SYN3: variants seen among roughly 807,000 people sequenced by gnomAD.
The protein encoded by SYN3 is synapsin III, also known as synapsin-3.
Under a neutral mutation model 65.8 loss-of-function variants are expected in SYN3, and 35 were observed. The ratio of observed to expected loss-of-function variants is 0.53; its 90% CI spans 0.41 to 0.70. SYN3 has a LOEUF of 0.70. SYN3 is among the 30% of genes least tolerant of loss of function. SYN3 has a pLI of 0.00. For missense variants in SYN3, 680 were observed against 749.0 expected (o/e 0.91, Z 1.08); for synonymous variants, 270 against 292.9 (o/e 0.92, Z 0.80).
At chr22:32,715,782 A>G (rs1377314937) in intron 6 of SYN3, among the ~76,000 whole-genome samples, 1 of 149,602 alleles carries the variant, frequency 6.7e-6, no homozygotes, top group Non-Finnish European at 1.5e-5. Context: ...CTGTCTCAAA[A>G]AAAAAAAAAA....
chr22:32,845,275 C>A (rs979806462), intron 6 of SYN3, among the ~76,000 whole-genome samples: 2 of 152,018 alleles, frequency 1.3e-5, no homozygotes, highest in Non-Finnish European at 1.5e-5. Context: ...CGGCTCACTG[C>A]AACCTCCACC....
chr22:32,634,532 A>G (rs2059788662), intron 6 of SYN3, among the ~76,000 whole-genome samples: 1 of 152,174 alleles, frequency 6.6e-6, no homozygotes, highest in African/African-American at 2.4e-5. Flanking sequence ...TGACCAGGGC[A>G]CTCTAACTCA....
At chr22:32,649,625 C>G (rs1193534167) in intron 6 of SYN3, among the ~76,000 whole-genome samples, 1 of 152,154 alleles carries the variant, frequency 6.6e-6, no homozygotes, top group Non-Finnish European at 1.5e-5. Context: ...CACAACAAAA[C>G]TAGCTTCGCG....
chr22:33,032,530 A>T (rs2053773860), intron 1 of SYN3, among the ~76,000 whole-genome samples: 1 of 152,090 alleles, frequency 6.6e-6, no homozygotes, highest in Admixed American at 6.6e-5. Context: ...TAAAAAGATC[A>T]TTAGACTAAC....
intron 6 of SYN3, among the ~76,000 whole-genome samples, chr22:32,670,795 G>A (rs1046073434): frequency 1.1e-4 from 16 of 152,346 alleles, no homozygotes; most frequent in African/African-American, 3.8e-4. Flanking sequence ...TATATAACGA[G>A]CATGTGCTAC....
chr22:32,679,839 C>CTTTTTTTTTGTTTTTTT (rs2060497797), intron 6 of SYN3, among the ~76,000 whole-genome samples: 1 of 39,150 alleles, frequency 2.6e-5, no homozygotes, highest in African/African-American at 9.1e-5. Flanking sequence ...TGTTTTTTGG[C>CTTTTTTTTTGTTTTTTT]TTTTTTTTTT....
intron 6 of SYN3, among the ~76,000 whole-genome samples, chr22:32,655,489 T>G (rs1478447415): frequency 6.6e-6 from 1 of 152,178 alleles, no homozygotes; most frequent in Non-Finnish European, 1.5e-5. Flanking sequence ...GGTGAGCCAG[T>G]GAAGCTTCAT....
intron 4 of SYN3, among the ~76,000 whole-genome samples, chr22:32,876,484 C>T (rs1004146197): frequency 2.6e-5 from 4 of 151,682 alleles, no homozygotes; most frequent in East Asian, 3.9e-4. Context: ...TTGATAAACG[C>T]GTGGAGATTT....
chr22:32,952,692 C>A (rs1360017125), intron 3 of SYN3, among the ~76,000 whole-genome samples: 2 of 152,138 alleles, frequency 1.3e-5, no homozygotes, highest in East Asian at 3.9e-4. Context: ...GAGTTCAAGG[C>A]TGCAGTGAGC....
intron 3 of SYN3, among the ~76,000 whole-genome samples, chr22:32,943,057 C>T (rs1037553948): frequency 6.6e-6 from 1 of 152,198 alleles, no homozygotes; most frequent in African/African-American, 2.4e-5. Context: ...CCAAACCTAG[C>T]AAGGCAGGCC....
intron 7 of SYN3, among the ~76,000 whole-genome samples, chr22:32,547,793 T>A (rs2058356348): frequency 1.3e-5 from 2 of 152,206 alleles, no homozygotes; most frequent in African/African-American, 4.8e-5. Flanking sequence ...ATCTACATAC[T>A]TAGTAGACTG....
chr22:32,524,158 A>G (rs2057936714), intron 12 of SYN3, among the ~76,000 whole-genome samples: 1 of 152,276 alleles, frequency 6.6e-6, no homozygotes, highest in Non-Finnish European at 1.5e-5. Context: ...GTGCTGACGA[A>G]GAAGCTGCAG....
chr22:32,630,112 T>A (rs919663761), intron 6 of SYN3, among the ~76,000 whole-genome samples: 13 of 151,974 alleles, frequency 8.6e-5, no homozygotes, highest in African/African-American at 3.1e-4. Context: ...GCCTCCCAAG[T>A]AGCTGGGACT....
intron 7 of SYN3, among the ~76,000 whole-genome samples, chr22:32,582,123 C>T (rs2058957164): frequency 6.6e-6 from 1 of 152,130 alleles, no homozygotes; most frequent in Admixed American, 6.5e-5. Flanking sequence ...ATAAAAGAAT[C>T]TGGAAATCAG....
Position 32,840,409 on chromosome 22 carries a change from G to A in SYN3, c.711+24506C>T, listed in dbSNP as rs55873325. On this transcript the variant is annotated intron_variant, in intron 6 of 13. Transcript: ENST00000358763. ...GAAACGGACAAGAGAGAAGGGCCCTGGGGGACCAGGGTAGGATGCAGGAAA... is the reference window on the plus strand; with the variant it reads ...GAAACGGACAAGAGAGAAGGGCCCTAGGGGACCAGGGTAGGATGCAGGAAA... Among the ~76,000 whole-genome samples, 833 of 152,178 alleles carry A rather than the reference G, an allele frequency of 5.5e-3. 5 individuals carry two copies. Among genetic ancestry groups the A allele is most frequent in the South Asian group, 0.019 (92 of 4,812 alleles).
intron 6 of SYN3, among the ~76,000 whole-genome samples, chr22:32,755,403 T>G (rs1222136669): frequency 6.6e-6 from 1 of 152,166 alleles, no homozygotes; most frequent in Non-Finnish European, 1.5e-5. Flanking sequence ...CCTTGAAGCA[T>G]TCAAACGTTA....
chr22:32,942,083 G>A (rs2050957789), intron 3 of SYN3, among the ~76,000 whole-genome samples: 1 of 152,250 alleles, frequency 6.6e-6, no homozygotes, highest in African/African-American at 2.4e-5. Context: ...CTGTCTGACA[G>A]CTTTGAAGAG....
chr22:32,839,325 G>C (rs2047828679), intron 6 of SYN3, among the ~76,000 whole-genome samples: 1 of 152,156 alleles, frequency 6.6e-6, no homozygotes, highest in African/African-American at 2.4e-5. Flanking sequence ...GGGACTTAGG[G>C]GAGAAGGACT....
At chr22:32,827,682 G>C (rs1440605802) in intron 6 of SYN3, among the ~76,000 whole-genome samples, 2 of 152,190 alleles carry the variant, frequency 1.3e-5, no homozygotes, top group African/African-American at 4.8e-5. Context: ...CTCTGCCAAT[G>C]CCCTGCTCAA....
Sources: gnomAD v4.1 joint callset for allele counts (sites outside exome capture counted in the v4.1 genomes callset) on GRCh38, gnomAD v4.1.1 for gene constraint, MANE v1.5 for transcripts, NCBI Gene and HGNC (gene_info 2026-07-23, HGNC 2026-07-21) for gene names.